Variants in MYO16 observed in about 807,000 individuals in gnomAD.
The protein encoded by MYO16 is myosin XVI, also known as unconventional myosin-XVI.
MYO16 carries 94 observed loss-of-function variants against 205.3 expected under a neutral mutation model. The observed-to-expected ratio is 0.46, with a 90% confidence interval of 0.39 to 0.54. The LOEUF (loss-of-function observed/expected upper bound fraction) is 0.54. MYO16 is among the 20% of genes least tolerant of loss of function. The pLI is 0.00. For synonymous variants in MYO16, 988 were observed against 954.0 expected, an observed-to-expected ratio of 1.04 and a Z score of -0.66; for missense variants, 2,315 against 2,387.5, an observed-to-expected ratio of 0.97 and a Z score of 0.63.
chr13:108,768,070 A>C (rs1425625722), intron 4 of MYO16, among the ~76,000 whole-genome samples: 1 of 152,196 alleles, frequency 6.6e-6, no homozygotes, highest in Non-Finnish European at 1.5e-5. Flanking sequence ...CTCCGATTGC[A>C]GAACCAGCGA....
intron 33 of MYO16, among the ~76,000 whole-genome samples, chr13:109,172,119 A>G (rs958939244): frequency 2.6e-5 from 4 of 152,148 alleles, no homozygotes; most frequent in East Asian, 1.9e-4. Context: ...CTCGAAATCA[A>G]TCCAAACCAC....
intron 10 of MYO16, among the ~76,000 whole-genome samples, chr13:108,848,088 T>G (rs1470851818): frequency 6.6e-6 from 1 of 152,138 alleles, no homozygotes; most frequent in Non-Finnish European, 1.5e-5. Context: ...GAGCCTCATG[T>G]GCAAAATGGG....
At chr13:108,964,959 G>C in intron 20 of MYO16, 57 bp downstream of exon 20, 1 of 1,555,910 alleles carries the variant, frequency 6.4e-7, no homozygotes, top group Non-Finnish European at 8.7e-7. Flanking sequence ...TAACTTAAAG[G>C]CTCAACTCCA....
intron 4 of MYO16, among the ~76,000 whole-genome samples, chr13:108,768,094 G>T (rs1885840757): frequency 6.6e-6 from 1 of 152,184 alleles, no homozygotes; most frequent in Admixed American, 6.5e-5. Flanking sequence ...ATAAACCTGA[G>T]ATTCCAGCCC....
At chr13:108,597,415 A>C (rs1334410551) in intron 1 of MYO16, among the ~76,000 whole-genome samples, 4 of 152,080 alleles carry the variant, frequency 2.6e-5, no homozygotes, top group African/African-American at 7.2e-5. Flanking sequence ...TCAAGTCTGA[A>C]ATTTTTTTTA....
chr13:108,886,159 T>C (rs1265865522), intron 13 of MYO16, among the ~76,000 whole-genome samples: 1 of 152,098 alleles, frequency 6.6e-6, no homozygotes, highest in Non-Finnish European at 1.5e-5. Context: ...GGCTAATTTT[T>C]TGTATTTTTA....
At chr13:108,714,318 G>A (rs939833941) in intron 3 of MYO16, among the ~76,000 whole-genome samples, 1 of 152,188 alleles carries the variant, frequency 6.6e-6, no homozygotes, top group South Asian at 2.1e-4. Context: ...GCCTCCCGAA[G>A]TGCTGGGATT....
At chr13:109,194,531 A>G (rs1204141330) in intron 34 of MYO16, among the ~76,000 whole-genome samples, 1 of 152,178 alleles carries the variant, frequency 6.6e-6, no homozygotes, top group Non-Finnish European at 1.5e-5. Context: ...GATACTAGAA[A>G]TGGGCTTTAG....
At chr13:108,695,274 A>G (rs1358181853) in intron 2 of MYO16, among the ~76,000 whole-genome samples, 1 of 152,166 alleles carries the variant, frequency 6.6e-6, no homozygotes, top group African/African-American at 2.4e-5. Flanking sequence ...CTTGTTGAAG[A>G]CACACTTCCT....
At chr13:109,133,075 C>G (rs1368688833) in intron 31 of MYO16, among the ~76,000 whole-genome samples, 1 of 152,162 alleles carries the variant, frequency 6.6e-6, no homozygotes, top group South Asian at 2.1e-4. Flanking sequence ...CTGAACCGCT[C>G]CTCCCACCAG....
At chr13:109,039,292 T>C (rs895523299) in intron 23 of MYO16, among the ~76,000 whole-genome samples, 5 of 152,104 alleles carry the variant, frequency 3.3e-5, no homozygotes. Context: ...GGTAAAACAA[T>C]GACATAGGCA....
rs528257926 is a variant in MYO16 at position 108,918,368 on chromosome 13, A to G, written c.1925+8218A>G. 3.9e-5 allele frequency among the ~76,000 whole-genome samples: 6 copies of G among 152,336 alleles called. No homozygotes were observed. In the East Asian group the frequency reaches 1.2e-3, roughly 29 times the overall value. On this transcript the variant is annotated intron_variant, in intron 16 of 34. Coordinates refer to ENST00000457511, the MANE Select transcript of MYO16 (RefSeq NM_001198950.3). ...ATTGCGCAAGAAACTACCTTCACTAAAATTTTGAGTGTCAGGCACAACACT... is the reference window on the plus strand; with the variant it reads ...ATTGCGCAAGAAACTACCTTCACTAGAATTTTGAGTGTCAGGCACAACACT...
chr13:108,929,435 A>G (rs1882151841), intron 16 of MYO16, among the ~76,000 whole-genome samples: 1 of 152,240 alleles, frequency 6.6e-6, no homozygotes, highest in African/African-American at 2.4e-5. Flanking sequence ...AACAAAAAGC[A>G]GGTAATATGA....
At chr13:108,999,654 T>C (rs1447292509) in intron 21 of MYO16, among the ~76,000 whole-genome samples, 2 of 152,170 alleles carry the variant, frequency 1.3e-5, no homozygotes, top group African/African-American at 2.4e-5. Context: ...ATTTTGAGCA[T>C]ATAAACTATA....
chr13:108,578,744 G>A, the MYO16 span, among the ~76,000 whole-genome samples: 2 of 152,132 alleles, frequency 1.3e-5, no homozygotes, highest in Non-Finnish European at 2.9e-5. Flanking sequence ...ATCACTAAGA[G>A]CATTGCGACA....
At chr13:108,774,641 G>GT (rs1886071119) in intron 4 of MYO16, among the ~76,000 whole-genome samples, 1 of 151,956 alleles carries the variant, frequency 6.6e-6, no homozygotes. Context: ...GCTGCATAAG[G>GT]TTTTTCTAAA....
At chr13:108,686,541 G>C (rs540211563) in intron 2 of MYO16, among the ~76,000 whole-genome samples, 1 of 152,304 alleles carries the variant, frequency 6.6e-6, no homozygotes, top group East Asian at 1.9e-4. Flanking sequence ...GTCCCAGCCA[G>C]GGGATATGGA....
At chr13:109,172,766 A>T (rs554102055) in intron 33 of MYO16, among the ~76,000 whole-genome samples, 41 of 152,370 alleles carry the variant, frequency 2.7e-4, no homozygotes, top group African/African-American at 9.9e-4. Context: ...ATAAAATATT[A>T]TGTGTTTTAG....
chr13:108,793,880 G>A (rs1017428387), intron 6 of MYO16, among the ~76,000 whole-genome samples: 2 of 152,126 alleles, frequency 1.3e-5, no homozygotes, highest in Non-Finnish European at 2.9e-5. Context: ...ACACGCATGC[G>A]TATGTTCATC....
Sources: gnomAD v4.1 joint callset for allele counts (sites outside exome capture counted in the v4.1 genomes callset) on GRCh38, gnomAD v4.1.1 for gene constraint, MANE v1.5 for transcripts, NCBI Gene and HGNC (gene_info 2026-07-23, HGNC 2026-07-21) for gene names.